KIAA0586: variants seen among roughly 807,000 people sequenced by gnomAD.
The protein encoded by KIAA0586 is KIAA0586.
KIAA0586 carries 144 observed loss-of-function variants against 169.8 expected under a neutral mutation model. The observed-to-expected ratio is 0.85, with a 90% confidence interval of 0.74 to 0.97. The LOEUF (loss-of-function observed/expected upper bound fraction) is 0.97. KIAA0586 is among the 50% of genes least tolerant of loss of function. The pLI is 0.00. For synonymous variants in KIAA0586, 625 were observed against 612.4 expected (o/e 1.02, Z -0.30); for missense variants, 1,854 against 1,823.0 (o/e 1.02, Z -0.31).
At chr14:58,496,996 C>T (rs867639669) in intron 26 of KIAA0586, among the ~76,000 whole-genome samples, 14 of 140,944 alleles carry the variant, frequency 9.9e-5, no homozygotes, top group Admixed American at 2.9e-4. Context: ...TTTTTTGAGA[C>T]GGAGTTTCGC....
At chr14:58,469,406 T>A (rs2041025821) in intron 16 of KIAA0586, among the ~76,000 whole-genome samples, 1 of 152,198 alleles carries the variant, frequency 6.6e-6, no homozygotes, top group African/African-American at 2.4e-5. Context: ...TATAGCAGTC[T>A]TTGGGCATCC....
chr14:58,537,869 G>A (rs188049328), intron 29 of KIAA0586, among the ~76,000 whole-genome samples: 209 of 152,194 alleles, frequency 1.4e-3, no homozygotes, highest in African/African-American at 4.5e-3. Context: ...GGATGGTCTC[G>A]ATCTCCTGAC....
intron 8 of KIAA0586, among the ~76,000 whole-genome samples, chr14:58,452,342 A>G (rs540842836): frequency 5.9e-5 from 9 of 152,324 alleles, no homozygotes; most frequent in African/African-American, 1.7e-4. Flanking sequence ...CTTCTAACAA[A>G]AGTAAGTGAA....
At chr14:58,499,895 C>T (rs571483775) in intron 27 of KIAA0586, among the ~76,000 whole-genome samples, 11 of 152,280 alleles carry the variant, frequency 7.2e-5, no homozygotes, top group South Asian at 4.1e-4. Context: ...AAAAATATAA[C>T]GAATCCATGA....
intron 6 of KIAA0586, among the ~76,000 whole-genome samples, chr14:58,444,676 G>A (rs959965235): frequency 8.6e-5 from 13 of 151,846 alleles, no homozygotes; most frequent in African/African-American, 2.9e-4. Context: ...TGCCTTCCTC[G>A]GCCTCCCAAA....
chr14:58,524,243 T>C (rs1566939199), intron 29 of KIAA0586, among the ~76,000 whole-genome samples: 1 of 152,218 alleles, frequency 6.6e-6, no homozygotes, highest in African/African-American at 2.4e-5. Context: ...GAAACTGTTA[T>C]TTTATGATCT....
intron 4 of KIAA0586, among the ~76,000 whole-genome samples, chr14:58,437,380 A>G (rs370247800): frequency 6.6e-6 from 1 of 152,150 alleles, no homozygotes; most frequent in East Asian, 1.9e-4. Context: ...GGTTCCTGTG[A>G]GAAATGTGGG....
intron 27 of KIAA0586, 99 bp downstream of exon 27, chr14:58,499,059 C>A: frequency 1.8e-6 from 2 of 1,084,630 alleles, no homozygotes; most frequent in Non-Finnish European, 2.6e-6. Flanking sequence ...TGCAAAATTT[C>A]TTTATTAAAA....
rs780532470 is a variant in KIAA0586 at position 58,468,034 on chromosome 14, CTCTT to C, written c.2442+114_2442+117del. On this transcript the variant is annotated intron_variant, in intron 16 of 30. Transcript: ENST00000652326. ...ATAAAAATATTGCTTTTGATCATGA[CTCTT>C]TTTTTTAAATTTATTTTTATTTTTT... 407 of 643,022 alleles carry C rather than the reference CTCTT, an allele frequency of 6.3e-4. 1 individual carries two copies. The highest frequency in any genetic ancestry group is 1.8e-3 in the Admixed American group (54 of 30,196). The allele number at this position is 643,022 out of a possible 1,614,324, so 39.8% of individuals were successfully genotyped here. A position where few individuals can be genotyped will look rare whatever the true frequency, so the allele number is the denominator to read the frequency against.
chr14:58,508,557 A>G lies in KIAA0586; in HGVS notation c.4171A>G (p.Ser1391Gly). ...TTTATTTACATTTTTGATAACAGGT[A>G]GTATTTATGAAGATTCATGTGCTAG... ...LSRQFDTVSG[S>G]IYEDSCASHG... Residue 1391 changes from serine to glycine, a missense_variant and splice_region_variant, in exon 28 of 31, where the codon AGT becomes GGT. Ser to Gly is a moderately conservative substitution (Grantham distance 56, BLOSUM62 0). Transcript: ENST00000652326. 6.4e-7 allele frequency: 1 copy of G among 1,570,752 alleles called. No homozygotes were observed. The highest frequency in any genetic ancestry group is 1.2e-5 in the South Asian group (1 of 83,452).
At chr14:58,437,669 T>TA (rs2037939987) in intron 4 of KIAA0586, among the ~76,000 whole-genome samples, 1 of 114,140 alleles carries the variant, frequency 8.8e-6, no homozygotes, top group South Asian at 3.0e-4. Context: ...GTTATGCTAA[T>TA]ACACTCCAGC....
In KIAA0586 at chr14:58,451,191, G is replaced by T. The variant is rs192712302; in HGVS notation, c.1129+445G>T. 9.7e-3 allele frequency among the ~76,000 whole-genome samples: 1,465 copies of T among 151,738 alleles called. 23 individuals carry two copies. Among genetic ancestry groups the T allele is most frequent in the African/African-American group, 0.034 (1,391 of 41,394 alleles). Reference sequence around the variant, plus strand: ...TTTTTAGTAAAGGCGGGGTTTCACCGTGTTAGCCAGGATGGTCTCGATAAG... The same window carrying T: ...TTTTTAGTAAAGGCGGGGTTTCACCTTGTTAGCCAGGATGGTCTCGATAAG... On this transcript the variant is annotated intron_variant, in intron 8 of 30. Coordinates refer to ENST00000652326, the MANE Select transcript of KIAA0586 (RefSeq NM_001329943.3).
intron 29 of KIAA0586, among the ~76,000 whole-genome samples, chr14:58,527,501 GCT>G (rs1348360951): frequency 6.6e-6 from 1 of 152,184 alleles, no homozygotes; most frequent in Non-Finnish European, 1.5e-5. Flanking sequence ...ACTAACAGTG[GCT>G]CTCTCTGCGG....
chr14:58,443,974 A>G lies in KIAA0586; in HGVS notation c.606A>G (p.Ala202=). 6 of 1,606,742 alleles carry G rather than the reference A, an allele frequency of 3.7e-6. No homozygotes were observed. The highest frequency in any genetic ancestry group is 5.1e-6 in the Non-Finnish European group (6 of 1,175,608). The change falls in exon 6 of 31, where the codon GCA becomes GCG. Residue 202 remains alanine, a synonymous_variant. Coordinates refer to ENST00000652326, the MANE Select transcript of KIAA0586 (RefSeq NM_001329943.3). ...TTTAGGTGCAGAGTGATTTGGAAGC[A>G]AAAGTCAATTCTGTTACAGAATTAC... ...PLIKVQSDLE[A]KVNSVTELLS...
intron 21 of KIAA0586, among the ~76,000 whole-genome samples, chr14:58,486,047 GGTAGTAAGT>G (rs2042414451): frequency 6.6e-6 from 1 of 152,128 alleles, no homozygotes; most frequent in African/African-American, 2.4e-5. Flanking sequence ...ACTGGACCCA[GGTAGTAAGT>G]GTAGTACCCA....
chr14:58,501,351 A>T (rs2043556153), intron 27 of KIAA0586, among the ~76,000 whole-genome samples: 1 of 152,214 alleles, frequency 6.6e-6, no homozygotes, highest in South Asian at 2.1e-4. Flanking sequence ...AAATGGCATG[A>T]AATGTGACTT....
intron 29 of KIAA0586, among the ~76,000 whole-genome samples, chr14:58,531,052 TG>T (rs1437547602): frequency 1.3e-5 from 2 of 151,934 alleles, no homozygotes; most frequent in East Asian, 3.9e-4. Context: ...GGCTCACGCC[TG>T]TAATCCCAGC....
At chr14:58,438,390 G>T (rs1240189493) in intron 4 of KIAA0586, among the ~76,000 whole-genome samples, 1 of 151,956 alleles carries the variant, frequency 6.6e-6, no homozygotes, top group Non-Finnish European at 1.5e-5. Flanking sequence ...TAAAAATAAG[G>T]AATTCCTGAA....
At chr14:58,469,653 G>A (rs2041047997) in intron 16 of KIAA0586, among the ~76,000 whole-genome samples, 1 of 152,102 alleles carries the variant, frequency 6.6e-6, no homozygotes, top group Admixed American at 6.5e-5. Flanking sequence ...CATATGAAAC[G>A]AAGATGCTAG....
Sources: gnomAD v4.1 joint callset for allele counts (sites outside exome capture counted in the v4.1 genomes callset) on GRCh38, gnomAD v4.1.1 for gene constraint, MANE v1.5 for transcripts, NCBI Gene and HGNC (gene_info 2026-07-23, HGNC 2026-07-21) for gene names.